CHCHD6: variants seen among roughly 807,000 people sequenced by gnomAD.
CHCHD6 encodes coiled-coil-helix-coiled-coil-helix domain containing 6, also known as MICOS complex subunit MIC25.
CHCHD6 carries 28 observed loss-of-function variants against 32.3 expected under a neutral mutation model. The observed-to-expected ratio is 0.87, with a 90% CI of 0.64 to 1.19. The LOEUF (loss-of-function observed/expected upper bound fraction) is 1.19. Among genes scored for constraint, CHCHD6 ranks in the 50% most tolerant of loss-of-function variants. CHCHD6 has a pLI of 0.00. For synonymous variants in CHCHD6, 122 were observed against 117.5 expected (o/e 1.04, Z -0.25); for missense variants, 333 against 307.0 (o/e 1.08, Z -0.63).
At chr3:126,764,953 C>T (rs114262331) in intron 4 of CHCHD6, among the ~76,000 whole-genome samples, 4,017 of 152,240 alleles carry the variant, frequency 0.026, 70 homozygotes, top group Middle Eastern at 0.058. Flanking sequence ...TGCAGGCCAG[C>T]TTCCTCCCAT....
At chr3:126,957,247 T>G in intron 6 of CHCHD6, 169 bp from the exon 7 acceptor site, 1 of 750,300 alleles carries the variant, frequency 1.3e-6, no homozygotes. Flanking sequence ...CGTCCTCTCA[T>G]TTCTAGAACG....
intron 5 of CHCHD6, among the ~76,000 whole-genome samples, chr3:126,911,114 T>C (rs1397376687): frequency 6.6e-6 from 1 of 152,144 alleles, no homozygotes; most frequent in African/African-American, 2.4e-5. Flanking sequence ...AGGAAGTCAG[T>C]CTGACCCATG....
At chr3:126,878,930 C>T (rs2077573284) in intron 5 of CHCHD6, among the ~76,000 whole-genome samples, 1 of 152,214 alleles carries the variant, frequency 6.6e-6, no homozygotes, top group African/African-American at 2.4e-5. Context: ...TCTCCTGGGC[C>T]TCATCTGGGA....
chr3:126,909,615 A>G (rs1225820669), intron 5 of CHCHD6, among the ~76,000 whole-genome samples: 1 of 152,220 alleles, frequency 6.6e-6, no homozygotes, highest in Non-Finnish European at 1.5e-5. Flanking sequence ...GATTTAATTA[A>G]TGGAGGTCAG....
intron 1 of CHCHD6, among the ~76,000 whole-genome samples, chr3:126,717,427 A>T (rs1354564528): frequency 6.6e-6 from 1 of 152,080 alleles, no homozygotes; most frequent in Non-Finnish European, 1.5e-5. Flanking sequence ...TTCTCCTTAC[A>T]ACCTTTTAGT....
chr3:126,802,761 G>A (rs1010172162), intron 4 of CHCHD6, among the ~76,000 whole-genome samples: 4 of 152,178 alleles, frequency 2.6e-5, no homozygotes, highest in African/African-American at 9.7e-5. Flanking sequence ...ACACATAACT[G>A]TCAGATTCAC....
At chr3:126,921,084 C>G (rs2107593877) in intron 6 of CHCHD6, among the ~76,000 whole-genome samples, 1 of 97,894 alleles carries the variant, frequency 1.0e-5, no homozygotes, top group South Asian at 3.3e-4. Flanking sequence ...CAGTAAAGGG[C>G]CACCCCAGGT....
At chr3:126,858,286 A>G (rs1941731453) in intron 5 of CHCHD6, among the ~76,000 whole-genome samples, 1 of 31,074 alleles carries the variant, frequency 3.2e-5, no homozygotes, top group South Asian at 1.0e-3. Context: ...AGCAGGGGTC[A>G]TGTGGTGGCA....
chr3:126,775,066 G>A (rs902979605), intron 4 of CHCHD6, among the ~76,000 whole-genome samples: 8 of 152,202 alleles, frequency 5.3e-5, no homozygotes, highest in South Asian at 2.1e-4. Context: ...TTGTGTATGT[G>A]ATGTCCAGGG....
At position 126,764,786 on chromosome 3, in the gene CHCHD6, G is replaced by C. The variant is rs1576387802; in HGVS notation, c.411+31564G>C. Among the ~76,000 whole-genome samples, 5 of 152,328 alleles carry C rather than the reference G, an allele frequency of 3.3e-5. No individual in the cohort carries two copies. The South Asian group carries it at 1.0e-3, about 32-fold the overall frequency. On this transcript the variant is annotated intron_variant, in intron 4 of 7. Transcript: ENST00000290913. ...AGGCAAACGGATCAGGCTGTCTCCT[G>C]GAAGTTTGAGTTAGAGATGGTGGTT...
chr3:126,743,643 C>G (rs1936374870), intron 4 of CHCHD6, among the ~76,000 whole-genome samples: 1 of 152,154 alleles, frequency 6.6e-6, no homozygotes, highest in Admixed American at 6.5e-5. Context: ...GGCTGCCGAC[C>G]TCAGCTAGGC....
At chr3:126,950,473 A>G (rs550802289) in intron 6 of CHCHD6, among the ~76,000 whole-genome samples, 65 of 152,230 alleles carry the variant, frequency 4.3e-4, no homozygotes, top group African/African-American at 1.5e-3. Flanking sequence ...TTCTTTTGAG[A>G]CAAAGTCTTG....
At chr3:126,760,960 A>C (rs1403776646) in intron 4 of CHCHD6, among the ~76,000 whole-genome samples, 3 of 152,190 alleles carry the variant, frequency 2.0e-5, no homozygotes, top group African/African-American at 7.2e-5. Context: ...CAGCCTCCTG[A>C]GTAGCTGGGA....
chr3:126,867,765 A>G (rs1295948027), intron 5 of CHCHD6, among the ~76,000 whole-genome samples: 4 of 152,188 alleles, frequency 2.6e-5, no homozygotes, highest in South Asian at 2.1e-4. Flanking sequence ...AGTCCTGCCC[A>G]CATCATTGAG....
chr3:126,848,287 G>C (rs1040719680), intron 4 of CHCHD6, among the ~76,000 whole-genome samples: 1 of 152,062 alleles, frequency 6.6e-6, no homozygotes, highest in Non-Finnish European at 1.5e-5. Flanking sequence ...ATTTCAGTTT[G>C]ATAATTTTTC....
At chr3:126,835,873 A>T (rs1940837343) in intron 4 of CHCHD6, among the ~76,000 whole-genome samples, 1 of 152,176 alleles carries the variant, frequency 6.6e-6, no homozygotes, top group South Asian at 2.1e-4. Flanking sequence ...TACTTTTTAA[A>T]AGGTGTTCAG....
chr3:126,791,209 C>T lies in CHCHD6; in HGVS notation c.411+57987C>T, dbSNP rs572784466. Among the ~76,000 whole-genome samples, 8 of 152,352 alleles carry T rather than the reference C, an allele frequency of 5.3e-5. No homozygotes were observed. In the East Asian group the frequency reaches 1.5e-3, roughly 29 times the overall value. ...GTTTCATCTCAGAGGGGTACCCGGC[C>T]GTTTGAGGTGTCAGTCTGCCCCTAT... On this transcript the variant is annotated intron_variant, in intron 4 of 7. Transcript: ENST00000290913.
chr3:126,914,888 T>C, intron 6 of CHCHD6, 138 bp downstream of exon 6: 1 of 659,816 alleles, frequency 1.5e-6, no homozygotes, highest in South Asian at 1.8e-5. Context: ...CTCAGCTCTC[T>C]CACCTGGATC....
chr3:126,807,787 G>A (rs1023534587), intron 4 of CHCHD6, among the ~76,000 whole-genome samples: 1 of 152,170 alleles, frequency 6.6e-6, no homozygotes, highest in African/African-American at 2.4e-5. Flanking sequence ...ATCTCCTGCT[G>A]TATAACAAAT....
Sources: gnomAD v4.1 joint callset for allele counts (sites outside exome capture counted in the v4.1 genomes callset) on GRCh38, gnomAD v4.1.1 for gene constraint, MANE v1.5 for transcripts, NCBI Gene and HGNC (gene_info 2026-07-23, HGNC 2026-07-21) for gene names.